Variants in LMBR1 observed in about 807,000 individuals in gnomAD.
The protein encoded by LMBR1 is limb development membrane protein 1.
LMBR1 carries 52 observed loss-of-function variants against 73.9 expected under a neutral mutation model. The observed-to-expected ratio is 0.70, with a 90% CI of 0.56 to 0.89. The LOEUF is 0.89. Among genes scored for constraint, LMBR1 ranks in the 40% least tolerant of loss-of-function variants. The pLI is 0.00. For synonymous variants in LMBR1, 215 were observed against 209.4 expected (o/e 1.03, Z -0.23); for missense variants, 539 against 579.8 (o/e 0.93, Z 0.72).
At chr7:156,708,703 A>G (rs1811489858) in intron 15 of LMBR1, among the ~76,000 whole-genome samples, 1 of 152,166 alleles carries the variant, frequency 6.6e-6, no homozygotes, top group South Asian at 2.1e-4. Context: ...GCAAATGGGA[A>G]CTGCTGCAGA....
At chr7:156,804,084 G>A (rs967816887) in intron 4 of LMBR1, among the ~76,000 whole-genome samples, 2 of 152,108 alleles carry the variant, frequency 1.3e-5, no homozygotes, top group South Asian at 4.1e-4. Flanking sequence ...CATGGCACAT[G>A]TATACATATG....
intron 1 of LMBR1, among the ~76,000 whole-genome samples, chr7:156,853,535 TA>T (rs1415482187): frequency 1.3e-5 from 2 of 152,242 alleles, no homozygotes; most frequent in Non-Finnish European, 2.9e-5. Flanking sequence ...AACCACTTTC[TA>T]AAAGTCCTAG....
rs1238962503 is a variant in LMBR1, at chr7:156,683,634, TCTGAATAAG to T, written c.*435_*443del. Reference sequence around the variant, plus strand: ...GCCATTGCATTTGAAAAATGCATTTTCTGAATAAGCTTCACTTAGTACCAAGGATGCCTT... The same window carrying T: ...GCCATTGCATTTGAAAAATGCATTTTCTTCACTTAGTACCAAGGATGCCTT... On this transcript the variant is annotated 3_prime_UTR_variant, in exon 17 of 17. Coordinates refer to ENST00000353442, the MANE Select transcript of LMBR1 (RefSeq NM_022458.4). The T allele has an allele frequency of 2.0e-5, 3 of 153,504 alleles. No individual in the cohort carries two copies. Among genetic ancestry groups the T allele is most frequent in the African/African-American group, 7.2e-5 (3 of 41,524 alleles). 9.5% of individuals were successfully genotyped at this position (153,504 alleles called of 1,614,324 possible).
intron 5 of LMBR1, among the ~76,000 whole-genome samples, chr7:156,781,848 C>T (rs1827184414): frequency 6.6e-6 from 1 of 152,142 alleles, no homozygotes; most frequent in Non-Finnish European, 1.5e-5. Context: ...ATAAAGTTCA[C>T]CATCGTAACC....
chr7:156,777,033 G>A (rs1014666183), intron 5 of LMBR1, among the ~76,000 whole-genome samples: 2 of 151,574 alleles, frequency 1.3e-5, no homozygotes, highest in Non-Finnish European at 1.5e-5. Context: ...CTGGGTTCAC[G>A]CCACTCTCCC....
In LMBR1 at chr7:156,678,325, A is replaced by G. The variant is rs1382295780; in HGVS notation, c.*5753T>C. ...GGATGAGGGTCGCGAAAATCCCATG[A>G]GTTCTGAGGAATGGTCCAGGGCAGC... On this transcript the variant is annotated 3_prime_UTR_variant, in exon 17 of 17. Transcript: ENST00000353442. 6.6e-6 allele frequency: 1 copy of G among 152,248 alleles called. No individual in the cohort carries two copies. The highest frequency in any genetic ancestry group is 1.5e-5 in the Non-Finnish European group (1 of 68,048). 9.4% of individuals were successfully genotyped at this position (152,248 alleles called of 1,614,324 possible). A position where few individuals can be genotyped will look rare whatever the true frequency, so the allele number is the denominator to read the frequency against.
intron 1 of LMBR1, among the ~76,000 whole-genome samples, chr7:156,847,176 A>G (rs1373898925): frequency 3.3e-5 from 5 of 152,218 alleles, no homozygotes; most frequent in Admixed American, 3.3e-4. Context: ...AAGGCTATAT[A>G]ATGAAGAAAG....
chr7:156,725,857 CT>C lies in LMBR1; in HGVS notation c.994-21del, dbSNP rs1815635460. The C allele has an allele frequency of 6.3e-7, 1 of 1,597,752 alleles. No individual in the cohort carries two copies. Among genetic ancestry groups the C allele is most frequent in the East Asian group, 2.2e-5 (1 of 44,754 alleles). On this transcript the variant is annotated intron_variant, in intron 12 of 16. Coordinates refer to ENST00000353442, the MANE Select transcript of LMBR1 (RefSeq NM_022458.4). ...AGGCCCCTGGGGTGGGAGAAAGACACTTTTCAGAATTTGATGACACCATTAT... is the reference window on the plus strand; with the variant it reads ...AGGCCCCTGGGGTGGGAGAAAGACACTTTCAGAATTTGATGACACCATTAT...
rs909110946 is a variant in LMBR1 at position 156,893,148 on chromosome 7, C to T, written c.-155G>A. Reference sequence around the variant, plus strand: ...CAGGTACCGCGACCACGACACCGGCCGTCGCCTCAGCAGCCTCAGACGAGC... The same window carrying T: ...CAGGTACCGCGACCACGACACCGGCTGTCGCCTCAGCAGCCTCAGACGAGC... On this transcript the variant is annotated 5_prime_UTR_variant, in exon 1 of 17. Transcript: ENST00000353442. 7.8e-6 allele frequency: 5 copies of T among 641,552 alleles called. No homozygotes were observed. The Admixed American group carries it at 1.8e-4, about 23-fold the overall frequency. 39.7% of individuals were successfully genotyped at this position (641,552 alleles called of 1,614,324 possible).
At chr7:156,774,233 C>T (rs1379617318) in intron 5 of LMBR1, among the ~76,000 whole-genome samples, 3 of 152,066 alleles carry the variant, frequency 2.0e-5, no homozygotes, top group Non-Finnish European at 4.4e-5. Flanking sequence ...GGTGAGGTTG[C>T]AGAGAAAAGG....
chr7:156,695,725 T>C (rs1458708796), intron 15 of LMBR1, among the ~76,000 whole-genome samples: 2 of 152,074 alleles, frequency 1.3e-5, no homozygotes, highest in Non-Finnish European at 2.9e-5. Context: ...GGTGAGGACA[T>C]AGATCCAAAC....
intron 4 of LMBR1, among the ~76,000 whole-genome samples, chr7:156,824,836 C>A (rs1835395967): frequency 6.6e-6 from 1 of 150,494 alleles, no homozygotes; most frequent in African/African-American, 2.5e-5. Context: ...CAGAGCGAGA[C>A]CCTGTCTCAA....
At chr7:156,762,092 C>T (rs1285435201) in intron 8 of LMBR1, 42 bp downstream of exon 8, 4 of 1,119,478 alleles carry the variant, frequency 3.6e-6, no homozygotes, top group Admixed American at 3.5e-5. Flanking sequence ...AATGTAAACA[C>T]ATTTATTTAA....
intron 15 of LMBR1, among the ~76,000 whole-genome samples, chr7:156,692,894 G>T (rs1202527487): frequency 1.3e-5 from 2 of 152,058 alleles, no homozygotes; most frequent in Admixed American, 6.5e-5. Context: ...AAAGCTAGAG[G>T]AAAGATAAAA....
chr7:156,715,460 T>C (rs994970416), intron 15 of LMBR1, among the ~76,000 whole-genome samples: 2 of 152,282 alleles, frequency 1.3e-5, no homozygotes, highest in Non-Finnish European at 1.5e-5. Flanking sequence ...ACCCATTTAG[T>C]TACTCTTTTT....
At chr7:156,789,245 A>T (rs1235351036) in intron 5 of LMBR1, among the ~76,000 whole-genome samples, 1 of 152,160 alleles carries the variant, frequency 6.6e-6, no homozygotes, top group Non-Finnish European at 1.5e-5. Context: ...AAAAGAAGAC[A>T]CATTCACATA....
chr7:156,824,620 T>A (rs867751144), intron 4 of LMBR1, among the ~76,000 whole-genome samples: 3 of 151,894 alleles, frequency 2.0e-5, no homozygotes, highest in Non-Finnish European at 1.5e-5. Flanking sequence ...AGGTGGGAGA[T>A]CACTTGAACC....
At chr7:156,712,522 A>G (rs530907784) in intron 15 of LMBR1, among the ~76,000 whole-genome samples, 32 of 152,340 alleles carry the variant, frequency 2.1e-4, no homozygotes. Context: ...GTATCTACCC[A>G]AAGGAAAAGA....
At chr7:156,703,655 C>T (rs1810282222) in intron 15 of LMBR1, among the ~76,000 whole-genome samples, 1 of 152,122 alleles carries the variant, frequency 6.6e-6, no homozygotes, top group African/African-American at 2.4e-5. Context: ...GTGGCCACCC[C>T]TCACCCAAGC....
Sources: allele counts gnomAD v4.1 joint callset (sites outside exome capture counted in the v4.1 genomes callset), GRCh38; gene constraint gnomAD v4.1.1; transcripts MANE v1.5; gene names NCBI Gene and HGNC (gene_info 2026-07-23, HGNC 2026-07-21).